OTUD7B: variants seen among roughly 807,000 people sequenced by gnomAD.
OTUD7B encodes the protein OTU deubiquitinase 7B.
OTUD7B carries 34 observed loss-of-function variants against 82.2 expected under a neutral mutation model. The ratio of observed to expected loss-of-function variants is 0.41; its 90% confidence interval spans 0.31 to 0.55. The LOEUF is 0.55. OTUD7B is among the 20% of genes least tolerant of loss of function. The pLI is 0.20. For missense variants in OTUD7B, 944 were observed against 1,062.1 expected, an observed-to-expected ratio of 0.89 and a Z score of 1.55; for synonymous variants, 398 against 402.7, an observed-to-expected ratio of 0.99 and a Z score of 0.14.
intron 1 of OTUD7B, among the ~76,000 whole-genome samples, chr1:149,983,634 A>G (rs1467943788): frequency 6.6e-6 from 1 of 152,102 alleles, no homozygotes; most frequent in Non-Finnish European, 1.5e-5. Flanking sequence ...GAAGGAACAT[A>G]AAGATGAGAA....
At chr1:149,997,067 C>T (rs192099872) in intron 1 of OTUD7B, among the ~76,000 whole-genome samples, 38 of 152,216 alleles carry the variant, frequency 2.5e-4, no homozygotes, top group African/African-American at 8.2e-4. Flanking sequence ...TCAAAAAATC[C>T]GAGAATATTT....
chr1:150,013,809 C>T (rs1367376051), upstream of OTUD7B, among the ~76,000 whole-genome samples: 1 of 149,842 alleles, frequency 6.7e-6, no homozygotes, highest in Non-Finnish European at 1.5e-5. Flanking sequence ...GTAGTCCCAG[C>T]TACTTGGGAG....
At position 149,971,193 on chromosome 1, in the gene OTUD7B, A is replaced by G. The variant is rs1228767745; in HGVS notation, c.144T>C (p.His48=). ...TAAAGGATGGGGGTAGGTTTCCAGC[A>G]TGGACTTGACGTAGCTGTTCAAAAT... is the stretch of plus-strand genomic sequence containing the variant. ...LSDFEQLRQV[H]AGNLPPSFSE... The change falls in exon 3 of 12, where the codon CAT becomes CAC. Residue 48 remains histidine (H), a synonymous_variant. Transcript: ENST00000581312. 6.2e-7 allele frequency: 1 copy of G among 1,613,858 alleles called. No individual in the cohort carries two copies. Among genetic ancestry groups the G allele is most frequent in the Non-Finnish European group, 8.5e-7 (1 of 1,179,800 alleles).
the OTUD7B span, among the ~76,000 whole-genome samples, chr1:150,055,384 C>CA: frequency 0.98 from 147,026 of 150,622 alleles, 71,834 homozygotes; most frequent in South Asian, 1. Flanking sequence ...TAACTGATAA[C>CA]AAAAAAAAAT....
the OTUD7B span, among the ~76,000 whole-genome samples, chr1:150,018,391 A>G: frequency 6.6e-6 from 1 of 152,214 alleles, no homozygotes; most frequent in Non-Finnish European, 1.5e-5. Flanking sequence ...CCTTTTAAGC[A>G]GACTAGCTGC....
upstream of OTUD7B, among the ~76,000 whole-genome samples, chr1:150,012,609 T>C (rs1188106197): frequency 2.6e-5 from 4 of 151,696 alleles, no homozygotes; most frequent in Non-Finnish European, 5.9e-5. Flanking sequence ...TCAAAGGCAC[T>C]CTACCCTCAA....
chr1:149,967,465 G>T lies in OTUD7B; in HGVS notation c.331C>A (p.Arg111=). 2 of 1,613,782 alleles carry T rather than the reference G, an allele frequency of 1.2e-6. No homozygotes were observed. The highest frequency in any genetic ancestry group is 1.7e-6 in the Non-Finnish European group (2 of 1,179,812). Residue 111 remains arginine (R), a synonymous_variant, in exon 4 of 12, where the codon CGG becomes AGG. Transcript: ENST00000581312. ...CCACCATTGGAGGAGACATGGGACC[G>T]GGCCAGGGAAACAATGCTGGAGCTG... The part of the protein sequence containing the change: ...HASSSIVSLA[R]SHVSSNGGGG...
At chr1:150,018,952 T>C in the OTUD7B span, among the ~76,000 whole-genome samples, 4 of 152,126 alleles carry the variant, frequency 2.6e-5, no homozygotes, top group Admixed American at 1.3e-4. Context: ...CAAGACAGTA[T>C]GGTGGCTACT....
Position 149,937,974 on chromosome 1 carries a change from GA to G in OTUD7B, c.*5882del, listed in dbSNP as rs2092736850. ...GTTTCCTGTCTTGGCTGCAACTGTG[GA>G]AATAGTGAAGATATTGTGAGACAGA... On this transcript the variant is annotated 3_prime_UTR_variant, in exon 12 of 12. Transcript: ENST00000581312. 6.6e-6 allele frequency: 1 copy of G among 152,090 alleles called. No homozygotes were observed. The highest frequency in any genetic ancestry group is 1.5e-5 in the Non-Finnish European group (1 of 68,044). The allele number at this position is 152,090 out of a possible 1,614,324, so 9.4% of individuals were successfully genotyped here.
At chr1:149,988,319 T>C (rs1256597491) in intron 1 of OTUD7B, among the ~76,000 whole-genome samples, 1 of 152,226 alleles carries the variant, frequency 6.6e-6, no homozygotes, top group African/African-American at 2.4e-5. Flanking sequence ...GGTGGCTTCA[T>C]CACTACCACT....
chr1:149,946,475 C>T (rs781979622), intron 11 of OTUD7B, among the ~76,000 whole-genome samples: 1 of 152,054 alleles, frequency 6.6e-6, no homozygotes, highest in South Asian at 2.1e-4. Flanking sequence ...GGTGTGGTGG[C>T]TCATGCCTGT....
At chr1:150,014,114 C>A (rs1385044920), upstream of OTUD7B, among the ~76,000 whole-genome samples, 7 of 118,098 alleles carry the variant, frequency 5.9e-5, 1 homozygote, top group African/African-American at 2.0e-4. Context: ...ATAGTAGGGG[C>A]TCAGCCAGGC....
the OTUD7B span, chr1:150,067,013 A>G: frequency 1.3e-5 from 2 of 152,218 alleles, no homozygotes; most frequent in Non-Finnish European, 2.9e-5. Context: ...GCAGAGTCCA[A>G]TTGCTCAGAG....
In OTUD7B at chr1:149,950,179, C is replaced by T; in HGVS notation, c.888G>A (p.Glu296=). 2 of 1,614,118 alleles carry T rather than the reference C, an allele frequency of 1.2e-6. No homozygotes were observed. Among genetic ancestry groups the T allele is most frequent in the African/African-American group, 1.3e-5 (1 of 75,018 alleles). Residue 296 remains glutamate, a synonymous_variant, in exon 8 of 12, where the codon GAG becomes GAA. Coordinates refer to ENST00000581312, the MANE Select transcript of OTUD7B (RefSeq NM_020205.4). The part of the protein sequence containing the change: ...SEEPVYESLE[E]FHVFVLAHVL... ...CATGAGCAAGGACAAAGACGTGAAA[C>T]TCTTCAAGGCTCTCATATACAGGCT...
the OTUD7B span, among the ~76,000 whole-genome samples, chr1:150,026,720 C>G: frequency 6.6e-6 from 1 of 151,990 alleles, no homozygotes; most frequent in Non-Finnish European, 1.5e-5. Flanking sequence ...AAGAATAAAG[C>G]CAGTACGGAA....
chr1:150,054,892 A>C, the OTUD7B span: 5 of 220,104 alleles, frequency 2.3e-5, no homozygotes, highest in Admixed American at 5.5e-5. Context: ...GAAATACGAG[A>C]TTACAGAGCA....
At chr1:150,040,824 C>A in the OTUD7B span, among the ~76,000 whole-genome samples, 1 of 151,590 alleles carries the variant, frequency 6.6e-6, no homozygotes, top group Non-Finnish European at 1.5e-5. Flanking sequence ...ATTCTCCTGC[C>A]CCAGCCTCCC....
chr1:149,963,148 T>A (rs1649270523), intron 6 of OTUD7B: 1 of 152,176 alleles, frequency 6.6e-6, no homozygotes. Context: ...AAAAAACTCT[T>A]CTATATTGTC....
chr1:149,967,528 T>C lies in OTUD7B; in HGVS notation c.275-7A>G. On this transcript the variant is annotated splice_region_variant and splice_polypyrimidine_tract_variant and intron_variant, in intron 3 of 11. Transcript: ENST00000581312. ...CCCCTAGACAGGCGTTTTTCTGCAA[T>C]GAGAAATGGAGTCACCTTAGAACAT... 6.3e-7 allele frequency: 1 copy of C among 1,584,710 alleles called. No homozygotes were observed. Among genetic ancestry groups the C allele is most frequent in the South Asian group, 1.2e-5 (1 of 85,966 alleles).
Sources: gnomAD v4.1 joint callset for allele counts (sites outside exome capture counted in the v4.1 genomes callset) on GRCh38, gnomAD v4.1.1 for gene constraint, MANE v1.5 for transcripts, NCBI Gene and HGNC (gene_info 2026-07-23, HGNC 2026-07-21) for gene names.